BNC2: variants seen among roughly 807,000 people sequenced by gnomAD.
BNC2 encodes the protein basonuclin zinc finger protein 2.
Under a neutral mutation model 76.3 loss-of-function variants are expected in BNC2, and 20 were observed. That is an observed-to-expected ratio of 0.26 (90% CI 0.18 to 0.38). The LOEUF is 0.38. Ranked by LOEUF, BNC2 falls within the 10% of genes least tolerant of loss-of-function variation. BNC2 has a pLI of 1.00. For synonymous variants in BNC2, 582 were observed against 514.8 expected (o/e 1.13, Z -1.77); for missense variants, 1,382 against 1,399.8 (o/e 0.99, Z 0.20).
At chr9:16,811,552 C>CAAAAA (rs1179927173) in intron 1 of BNC2, among the ~76,000 whole-genome samples, 40 of 57,978 alleles carry the variant, frequency 6.9e-4, no homozygotes, top group African/African-American at 1.9e-3. Context: ...AACTCCATCT[C>CAAAAA]AAAAAAAAAA....
At chr9:16,469,256 C>T (rs372804272) in intron 5 of BNC2, among the ~76,000 whole-genome samples, 8 of 152,176 alleles carry the variant, frequency 5.3e-5, no homozygotes, top group African/African-American at 1.9e-4. Flanking sequence ...CCACCAAAAT[C>T]TCAACTTGAG....
intron 1 of BNC2, among the ~76,000 whole-genome samples, chr9:16,848,164 T>A (rs996709076): frequency 2.6e-5 from 4 of 152,198 alleles, no homozygotes; most frequent in African/African-American, 9.6e-5. Context: ...CTGAGAAAAT[T>A]AACCTAAAAA....
intron 6 of BNC2, chr9:16,431,550 C>T (rs1820908030): frequency 4.5e-6 from 2 of 440,048 alleles, no homozygotes; most frequent in South Asian, 3.3e-5. Flanking sequence ...CTTAACAGAA[C>T]AGCACCTCAG....
chr9:16,742,242 A>G (rs1488764492), intron 1 of BNC2, among the ~76,000 whole-genome samples: 6 of 152,232 alleles, frequency 3.9e-5, no homozygotes, highest in African/African-American at 1.4e-4. Context: ...TATGTCACCT[A>G]TGTGATTTGA....
At chr9:16,735,663 A>C (rs1824645572) in intron 2 of BNC2, among the ~76,000 whole-genome samples, 1 of 151,484 alleles carries the variant, frequency 6.6e-6, no homozygotes, top group Non-Finnish European at 1.5e-5. Flanking sequence ...CCCCCGGCTA[A>C]TTTTTGTATT....
chr9:16,413,667 G>A lies in BNC2; in HGVS notation c.*5322C>T, dbSNP rs1296695979. 2 of 152,176 alleles carry A rather than the reference G, an allele frequency of 1.3e-5. No homozygotes were observed. The highest frequency in any genetic ancestry group is 2.9e-5 in the Non-Finnish European group (2 of 68,032). 9.4% of individuals were successfully genotyped at this position (152,176 alleles called of 1,614,324 possible). A position where few individuals can be genotyped will look rare whatever the true frequency, so the allele number is the denominator to read the frequency against. On this transcript the variant is annotated 3_prime_UTR_variant, in exon 7 of 7. Transcript: ENST00000380672. ...ATACTTTTTGAAAATGACCATTTATGGTGAGCAACACTCCAGCTACAGGAA... is the reference window on the plus strand; with the variant it reads ...ATACTTTTTGAAAATGACCATTTATAGTGAGCAACACTCCAGCTACAGGAA...
At chr9:16,508,523 C>T (rs1241882034) in intron 5 of BNC2, among the ~76,000 whole-genome samples, 1 of 152,212 alleles carries the variant, frequency 6.6e-6, no homozygotes, top group African/African-American at 2.4e-5. Context: ...CTGGCATGTA[C>T]ATGTTGGCTT....
intron 5 of BNC2, among the ~76,000 whole-genome samples, chr9:16,494,387 A>G (rs1456456076): frequency 6.6e-6 from 1 of 152,012 alleles, no homozygotes; most frequent in African/African-American, 2.4e-5. Flanking sequence ...TCTTGAACTC[A>G]TGATCCACCT....
At chr9:16,559,263 G>A (rs12000228) in intron 4 of BNC2, among the ~76,000 whole-genome samples, 13,320 of 152,052 alleles carry the variant, frequency 0.088, 1,291 homozygotes, top group African/African-American at 0.23. Flanking sequence ...TTTCTTAAAT[G>A]AGATTTTTTT....
chr9:16,661,861 C>T (rs964131737), intron 3 of BNC2, among the ~76,000 whole-genome samples: 5 of 152,076 alleles, frequency 3.3e-5, no homozygotes, highest in African/African-American at 1.2e-4. Flanking sequence ...AAAACCAAAC[C>T]ATTTAATGCA....
chr9:16,523,611 A>G (rs1436249232), intron 5 of BNC2, among the ~76,000 whole-genome samples: 1 of 151,996 alleles, frequency 6.6e-6, no homozygotes, highest in Non-Finnish European at 1.5e-5. Context: ...AACTTTCTGG[A>G]AAAAGAATAC....
rs142057599 is a variant in BNC2 at position 16,772,072 on chromosome 9, A to G, written c.4-33587T>C. Among the ~76,000 whole-genome samples, 430 of 152,370 alleles carry G rather than the reference A, an allele frequency of 2.8e-3. 2 individuals are homozygous for G. The highest frequency in any genetic ancestry group is 0.017 in the Middle Eastern group (5 of 294). The stretch of plus-strand genomic sequence containing the variant: ...AAACAAATGATAGTATTCAAATACA[A>G]TATTTTACACATGCAGACTGATAAC... On this transcript the variant is annotated intron_variant, in intron 1 of 6. Coordinates refer to ENST00000380672, the MANE Select transcript of BNC2 (RefSeq NM_017637.6).
intron 1 of BNC2, among the ~76,000 whole-genome samples, chr9:16,762,676 G>C (rs1434402320): frequency 1.3e-5 from 2 of 152,300 alleles, no homozygotes; most frequent in Non-Finnish European, 1.5e-5. Context: ...GAGACAACGA[G>C]GAACAGAGCC....
intron 1 of BNC2, among the ~76,000 whole-genome samples, chr9:16,851,622 A>C (rs573339214): frequency 6.6e-6 from 1 of 152,222 alleles, no homozygotes; most frequent in Non-Finnish European, 1.5e-5. Flanking sequence ...GGTACTGTAA[A>C]ACTTTTCATA....
At chr9:16,567,686 T>C (rs1281450244) in intron 4 of BNC2, among the ~76,000 whole-genome samples, 3 of 152,160 alleles carry the variant, frequency 2.0e-5, no homozygotes, top group Admixed American at 2.0e-4. Context: ...TAGTTTATAG[T>C]TCTTAGTTTT....
chr9:16,626,162 T>C (rs1225659991), intron 3 of BNC2: 1 of 152,156 alleles, frequency 6.6e-6, no homozygotes. Context: ...CTACAGACCT[T>C]GGTATATCTA....
At chr9:16,572,784 T>C (rs1209193982) in intron 4 of BNC2, among the ~76,000 whole-genome samples, 3 of 152,026 alleles carry the variant, frequency 2.0e-5, no homozygotes, top group African/African-American at 7.2e-5. Flanking sequence ...GAGTTTACAG[T>C]GGTGACTCAA....
chr9:16,830,566 C>G (rs1216992144), intron 1 of BNC2, among the ~76,000 whole-genome samples: 1 of 152,130 alleles, frequency 6.6e-6, no homozygotes, highest in Non-Finnish European at 1.5e-5. Flanking sequence ...TATTTTTGAT[C>G]CACGGTTGGT....
At chr9:16,526,131 G>C (rs1817792859) in intron 5 of BNC2, among the ~76,000 whole-genome samples, 1 of 151,712 alleles carries the variant, frequency 6.6e-6, no homozygotes, top group Non-Finnish European at 1.5e-5. Flanking sequence ...AAAATGCTAA[G>C]TTTCTTACTC....
Sources: allele counts gnomAD v4.1 joint callset (sites outside exome capture counted in the v4.1 genomes callset), GRCh38; gene constraint gnomAD v4.1.1; transcripts MANE v1.5; gene names NCBI Gene and HGNC (gene_info 2026-07-23, HGNC 2026-07-21).